The following RIOK3 variants were observed in gnomAD, a reference collection of about 807,000 sequenced individuals.
The protein encoded by RIOK3 is serine/threonine-protein kinase RIO3.
RIOK3 carries 40 observed loss-of-function variants against 63.5 expected under a neutral mutation model. The ratio of observed to expected loss-of-function variants is 0.63; its 90% CI spans 0.49 to 0.82. RIOK3 has a LOEUF of 0.82. Among genes scored for constraint, RIOK3 ranks in the 40% least tolerant of loss-of-function variants. The probability of loss-of-function intolerance (pLI) is 0.00; values close to 1 mark genes in which losing one functional copy is unlikely to be tolerated. For synonymous variants in RIOK3, 193 were observed against 205.0 expected (o/e 0.94, Z 0.50); for missense variants, 557 against 637.0 (o/e 0.87, Z 1.35).
chr18:23,453,536 G>A lies in RIOK3; in HGVS notation c.63+34G>A. 2.0e-6 allele frequency: 3 copies of A among 1,530,046 alleles called. No homozygotes were observed. In the South Asian group the frequency reaches 3.4e-5, roughly 17 times the overall value. The allele number at this position is 1,530,046 out of a possible 1,614,324, so 94.8% of individuals were successfully genotyped here. On this transcript the variant is annotated intron_variant, in intron 1 of 12. Transcript: ENST00000339486. Reference sequence around the variant, plus strand: ...CAGACGAGACTGGAGTACTAGCCTTGGTCACACGGGCTGGATCTCTCGGAA... The same window carrying A: ...CAGACGAGACTGGAGTACTAGCCTTAGTCACACGGGCTGGATCTCTCGGAA...
intron 1 of RIOK3, among the ~76,000 whole-genome samples, chr18:23,461,795 A>G (rs1001995935): frequency 6.6e-6 from 1 of 152,074 alleles, no homozygotes; most frequent in African/African-American, 2.4e-5. Context: ...AAAGTTCAGA[A>G]ATAAAATTTT....
chr18:23,471,261 A>C (rs938753606), intron 7 of RIOK3, among the ~76,000 whole-genome samples: 1 of 152,264 alleles, frequency 6.6e-6, no homozygotes, highest in African/African-American at 2.4e-5. Flanking sequence ...GTGACATGTG[A>C]GTGACACATC....
intron 7 of RIOK3, among the ~76,000 whole-genome samples, chr18:23,470,066 T>A (rs554410865): frequency 2.1e-4 from 32 of 152,186 alleles, no homozygotes; most frequent in African/African-American, 7.2e-4. Context: ...GAAGATATCA[T>A]AATGAAGTTG....
At chr18:23,454,206 A>G (rs2057323413) in intron 1 of RIOK3, among the ~76,000 whole-genome samples, 1 of 152,238 alleles carries the variant, frequency 6.6e-6, no homozygotes, top group South Asian at 2.1e-4. Flanking sequence ...GGTCTGCTTG[A>G]GAGCAGAGTG....
chr18:23,463,914 C>T (rs2057388100), intron 2 of RIOK3, 53 bp from the exon 3 acceptor site: 2 of 1,490,794 alleles, frequency 1.3e-6, no homozygotes, highest in Non-Finnish European at 1.8e-6. Flanking sequence ...TAATTGGCAA[C>T]CTCTGTTTAC....
At position 23,479,063 on chromosome 18, in the gene RIOK3, C is replaced by T. The variant is rs532260235; in HGVS notation, c.1345-254C>T. The T allele has an allele frequency of 2.9e-5, 10 of 341,920 alleles. 1 individual carries two copies. In the South Asian group the frequency reaches 3.4e-4, roughly 12 times the overall value. 21.2% of individuals were successfully genotyped at this position (341,920 alleles called of 1,614,324 possible). On this transcript the variant is annotated intron_variant, in intron 11 of 12. Transcript: ENST00000339486. ...TCAAGAGATCCTCCCTCCTTGGCCT[C>T]CCAAAGTGTTGGGATAACAAGGATA...
In RIOK3 at chr18:23,481,895, T is replaced by C. The variant is rs2057537492; in HGVS notation, c.*616T>C. On this transcript the variant is annotated 3_prime_UTR_variant, in exon 13 of 13. Transcript: ENST00000339486. ...AATGAACAGAATTCTTTTTCCATAC[T>C]TATATCTAAGAAAAGGCATCATAGG... 6.6e-6 allele frequency: 1 copy of C among 152,244 alleles called. No homozygotes were observed. 9.4% of individuals were successfully genotyped at this position (152,244 alleles called of 1,614,324 possible).
chr18:23,466,297 T>G, intron 6 of RIOK3, 21 bp downstream of exon 6: 1 of 1,530,222 alleles, frequency 6.5e-7, no homozygotes, highest in Non-Finnish European at 8.8e-7. Flanking sequence ...ATAGATTTTT[T>G]TTTTTCTTTT....
intron 2 of RIOK3, 93 bp from the exon 3 acceptor site, chr18:23,463,874 T>G: frequency 9.2e-7 from 1 of 1,081,962 alleles, no homozygotes; most frequent in Non-Finnish European, 1.3e-6. Flanking sequence ...TTGTTCAATT[T>G]TAACATGGAA....
At chr18:23,466,078 G>GTTTTT (rs1172711119) in intron 5 of RIOK3, 55 bp from the exon 6 acceptor site, 3 of 1,423,654 alleles carry the variant, frequency 2.1e-6, no homozygotes, top group Non-Finnish European at 2.8e-6. Context: ...TTTTGTTTTT[G>GTTTTT]TTTTTAACTG....
chr18:23,462,297 A>G (rs1395505769), intron 1 of RIOK3, among the ~76,000 whole-genome samples: 7 of 151,738 alleles, frequency 4.6e-5, no homozygotes, highest in Middle Eastern at 3.4e-3. Context: ...GCACCACCAC[A>G]GCCCGCTAAT....
intron 1 of RIOK3, among the ~76,000 whole-genome samples, chr18:23,458,985 A>G (rs2057357745): frequency 6.6e-6 from 1 of 152,166 alleles, no homozygotes; most frequent in Admixed American, 6.5e-5. Flanking sequence ...GAAGTGGACC[A>G]GTTGAGCTGT....
intron 7 of RIOK3, among the ~76,000 whole-genome samples, chr18:23,469,331 CT>C (rs1656876312): frequency 9.5e-4 from 12 of 12,574 alleles, no homozygotes; most frequent in African/African-American, 4.8e-3. Context: ...CTCTCTCTCT[CT>C]CTCTCCCCCT....
intron 2 of RIOK3, 160 bp downstream of exon 2, chr18:23,463,239 GT>G: frequency 3.8e-6 from 2 of 523,198 alleles, no homozygotes; most frequent in South Asian, 5.3e-5. Flanking sequence ...TTTTGCATTG[GT>G]TTTCATTATT....
chr18:23,473,420 T>C lies in RIOK3; in HGVS notation c.816-9T>C. On this transcript the variant is annotated splice_polypyrimidine_tract_variant and intron_variant, in intron 7 of 12. Transcript: ENST00000339486. ...CTTGTACTGACTTGATTTTTTTTCT[T>C]CCACTTAGCATGGAGGATGAAAAGG... 1 of 1,582,576 alleles carries C rather than the reference T, an allele frequency of 6.3e-7. No homozygotes were observed.
intron 1 of RIOK3, among the ~76,000 whole-genome samples, chr18:23,456,936 T>G (rs887364594): frequency 6.6e-6 from 1 of 152,128 alleles, no homozygotes; most frequent in African/African-American, 2.4e-5. Flanking sequence ...GGGTTAAATA[T>G]CTAAAAATGC....
chr18:23,460,439 A>G (rs1243241303), intron 1 of RIOK3, among the ~76,000 whole-genome samples: 1 of 152,190 alleles, frequency 6.6e-6, no homozygotes, highest in Non-Finnish European at 1.5e-5. Context: ...TGGTACTTCC[A>G]TCTATGATGT....
At chr18:23,469,326 T>C (rs987507052) in intron 7 of RIOK3, among the ~76,000 whole-genome samples, 159 of 28,776 alleles carry the variant, frequency 5.5e-3, no homozygotes, top group East Asian at 0.038. Context: ...TCTCTCTCTC[T>C]CTCTCTCTCT....
At chr18:23,476,416 A>C (rs533129597) in intron 9 of RIOK3, among the ~76,000 whole-genome samples, 1 of 152,310 alleles carries the variant, frequency 6.6e-6, no homozygotes, top group South Asian at 2.1e-4. Flanking sequence ...AATCCAAATT[A>C]ATTTTTAAAG....
Sources: allele counts gnomAD v4.1 joint callset (sites outside exome capture counted in the v4.1 genomes callset), GRCh38; gene constraint gnomAD v4.1.1; transcripts MANE v1.5; gene names NCBI Gene and HGNC (gene_info 2026-07-23, HGNC 2026-07-21).